ERG: variants seen among roughly 807,000 people sequenced by gnomAD.
ERG encodes the protein transcriptional regulator ERG.
A neutral mutation model predicts 55.3 loss-of-function variants in ERG; 9 were observed. The ratio of observed to expected loss-of-function variants is 0.16; its 90% CI spans 0.10 to 0.28. The LOEUF (loss-of-function observed/expected upper bound fraction) is 0.28, where lower values mean the gene tolerates loss of function less well. Among genes scored for constraint, ERG ranks in the 10% least tolerant of loss-of-function variants. The pLI is 1.00. For missense variants in ERG, 434 were observed against 631.6 expected (o/e 0.69, Z 3.35); for synonymous variants, 223 against 237.3 (o/e 0.94, Z 0.55).
chr21:38,371,029 A>C, the ERG span, among the ~76,000 whole-genome samples: 1 of 151,944 alleles, frequency 6.6e-6, no homozygotes, highest in South Asian at 2.1e-4. Flanking sequence ...ATAATATGGA[A>C]TTATTAAATC....
intron 3 of ERG, among the ~76,000 whole-genome samples, chr21:38,407,551 T>A (rs1247543872): frequency 1.3e-5 from 2 of 150,612 alleles, no homozygotes; most frequent in African/African-American, 4.9e-5. Context: ...TTTTCTATAA[T>A]AAATATGGAA....
intron 2 of ERG, among the ~76,000 whole-genome samples, chr21:38,566,572 C>T (rs903688028): frequency 1.3e-5 from 2 of 152,162 alleles, no homozygotes; most frequent in African/African-American, 4.8e-5. Context: ...GGCTCTATGA[C>T]ACCAAATAGT....
chr21:38,623,932 T>C lies in ERG; in HGVS notation c.-150+37726A>G, dbSNP rs73442444. On this transcript the variant is annotated intron_variant, in intron 1 of 10. Coordinates refer to the ERG transcript ENST00000398910. ...TTCATAATTTCCTCCCAAGCTAATG[T>C]TTTACAATAATTTTTTTAAAGATCC... is the stretch of plus-strand genomic sequence containing the variant. 2.5e-3 allele frequency among the ~76,000 whole-genome samples: 374 copies of C among 152,198 alleles called. 2 individuals are homozygous for C. Among genetic ancestry groups the C allele is most frequent in the African/African-American group, 8.3e-3 (343 of 41,548 alleles).
intron 1 of ERG, among the ~76,000 whole-genome samples, chr21:38,600,707 C>G (rs556859633): frequency 2.0e-5 from 3 of 152,300 alleles, no homozygotes; most frequent in South Asian, 2.1e-4. Context: ...ATCACAGAAC[C>G]AGTTGAATGT....
chr21:38,507,404 G>A (rs1038823181), intron 2 of ERG, among the ~76,000 whole-genome samples: 2 of 152,222 alleles, frequency 1.3e-5, no homozygotes, highest in African/African-American at 4.8e-5. Flanking sequence ...GTTCAAAGAA[G>A]AAATTAAAAT....
rs746330843 is a variant in ERG, at chr21:38,400,438, G to A, written c.745+136C>T. 6.3e-6 allele frequency: 5 copies of A among 787,712 alleles called. 1 individual carries two copies. Among genetic ancestry groups the A allele is most frequent in the East Asian group, 4.9e-5 (2 of 41,082 alleles). 48.8% of individuals were successfully genotyped at this position (787,712 alleles called of 1,614,324 possible). ...TGGATTTAGTCTCCAAATCAACAGA[G>A]GCAGAATAAGACTGTCTGGGACTGG... On this transcript the variant is annotated intron_variant, in intron 6 of 9. Coordinates refer to ENST00000288319, the MANE Select transcript of ERG (RefSeq NM_182918.4).
At chr21:38,557,048 C>T (rs2059862813) in intron 2 of ERG, among the ~76,000 whole-genome samples, 1 of 152,306 alleles carries the variant, frequency 6.6e-6, no homozygotes, top group Non-Finnish European at 1.5e-5. Flanking sequence ...GGTTCTGCCA[C>T]CTCCACCGTG....
At chr21:38,621,703 GA>G (rs1398576208) in intron 1 of ERG, among the ~76,000 whole-genome samples, 1 of 152,120 alleles carries the variant, frequency 6.6e-6, no homozygotes, top group African/African-American at 2.4e-5. Flanking sequence ...GATCCCCCCA[GA>G]AAGGAGGGTT....
chr21:38,445,526 GGAGGA>G lies in ERG; in HGVS notation c.109_113del (p.Ser37GlnfsTer33). 7 of 1,614,120 alleles carry G rather than the reference GGAGGA, an allele frequency of 4.3e-6. No individual in the cohort carries two copies. The highest frequency in any genetic ancestry group is 5.9e-6 in the Non-Finnish European group (7 of 1,180,006). The stretch of plus-strand genomic sequence containing the variant: ...TCTTGGAAGTCTGTCCATAGTCGCT[GGAGGA>G]GGACGCGGTCATCTCTGTCTTAGCC... On this transcript the variant is annotated frameshift_variant, in exon 2 of 10. Coordinates refer to ENST00000288319, the MANE Select transcript of ERG (RefSeq NM_182918.4). LOFTEE classifies it high-confidence loss of function.
intron 1 of ERG, among the ~76,000 whole-genome samples, chr21:38,459,465 G>A (rs1201923523): frequency 1.3e-5 from 2 of 152,182 alleles, no homozygotes; most frequent in African/African-American, 4.8e-5. Flanking sequence ...AATTTACTTT[G>A]GGGGACGATT....
At chr21:38,390,846 C>T in intron 9 of ERG, 149 bp downstream of exon 9, 1 of 664,706 alleles carries the variant, frequency 1.5e-6, no homozygotes, top group South Asian at 1.8e-5. Flanking sequence ...TAACCCAACC[C>T]ATCTTTCCAT....
rs1018556167 is a variant in ERG at position 38,381,074 on chromosome 21, C to A, written c.*2329G>T. Reference sequence around the variant, plus strand: ...TGCTGCAAAATGATGGATGGTTGGGCTCCGTCTAATCCAAATGACACGGGG... The same window carrying A: ...TGCTGCAAAATGATGGATGGTTGGGATCCGTCTAATCCAAATGACACGGGG... On this transcript the variant is annotated 3_prime_UTR_variant, in exon 10 of 10. Coordinates refer to ENST00000288319, the MANE Select transcript of ERG (RefSeq NM_182918.4). 11 of 1,064,634 alleles carry A rather than the reference C, an allele frequency of 1.0e-5. No individual in the cohort carries two copies. Among genetic ancestry groups the A allele is most frequent in the Non-Finnish European group, 1.1e-5 (10 of 878,938 alleles). 65.9% of individuals were successfully genotyped at this position (1,064,634 alleles called of 1,614,324 possible).
intron 1 of ERG, among the ~76,000 whole-genome samples, chr21:38,637,452 A>G (rs2060396477): frequency 6.6e-6 from 1 of 152,178 alleles, no homozygotes; most frequent in Non-Finnish European, 1.5e-5. Context: ...TCACGTTGGA[A>G]TTAGACACTG....
At chr21:38,425,051 T>C (rs1278532022) in intron 2 of ERG, among the ~76,000 whole-genome samples, 2 of 152,114 alleles carry the variant, frequency 1.3e-5, no homozygotes, top group Admixed American at 6.6e-5. Flanking sequence ...CTACAGGACA[T>C]TGGTGAAATC....
Position 38,396,012 on chromosome 21 carries a change from T to G in ERG, c.746-3568A>C, listed in dbSNP as rs58959544. Reference sequence around the variant, plus strand: ...AAGAGCTCATCCTCATTCTGCAGGATCCACACCATATCTGCAAAGCAACTC... The same window carrying G: ...AAGAGCTCATCCTCATTCTGCAGGAGCCACACCATATCTGCAAAGCAACTC... On this transcript the variant is annotated intron_variant, in intron 6 of 9. Transcript: ENST00000288319. Among the ~76,000 whole-genome samples the G allele has an allele frequency of 6.8e-3, 1,032 of 152,282 alleles. 13 individuals carry two copies. The highest frequency in any genetic ancestry group is 0.024 in the African/African-American group (984 of 41,552).
chr21:38,417,219 C>T (rs1158709150), intron 3 of ERG, among the ~76,000 whole-genome samples: 1 of 152,156 alleles, frequency 6.6e-6, no homozygotes, highest in African/African-American at 2.4e-5. Context: ...AGACACAAGT[C>T]ATGTAGCTTC....
chr21:38,515,676 C>A (rs907490219), intron 2 of ERG, among the ~76,000 whole-genome samples: 1 of 151,868 alleles, frequency 6.6e-6, no homozygotes, highest in Non-Finnish European at 1.5e-5. Context: ...AGCATGGATA[C>A]AGGCCAATAT....
rs1262946280 is a variant in ERG, at chr21:38,603,155, C to T, written c.-149-18210G>A. On this transcript the variant is annotated intron_variant, in intron 1 of 10. Transcript: ENST00000398910. ...GCTCATAGCTGGGTCTCCTCAAGAA[C>T]TTGTCTTTAGACCCCTAAAGACACC... 4.6e-5 allele frequency among the ~76,000 whole-genome samples: 7 copies of T among 151,992 alleles called. No homozygotes were observed. In the East Asian group the frequency reaches 1.4e-3, roughly 29 times the overall value.
chr21:38,442,173 A>G (rs528615072), intron 2 of ERG, among the ~76,000 whole-genome samples: 60 of 152,316 alleles, frequency 3.9e-4, no homozygotes, highest in South Asian at 1.9e-3. Flanking sequence ...TGAGAGGCCA[A>G]GATGGGTGGA....
Sources: gnomAD v4.1 joint callset for allele counts (sites outside exome capture counted in the v4.1 genomes callset) on GRCh38, gnomAD v4.1.1 for gene constraint, MANE v1.5 for transcripts, NCBI Gene and HGNC (gene_info 2026-07-23, HGNC 2026-07-21) for gene names.